Variants in SH3GL2 observed in about 807,000 individuals in gnomAD.
The protein encoded by SH3GL2 is SH3 domain containing GRB2 like 2, endophilin A1, also known as endophilin-A1.
In SH3GL2, 24 loss-of-function variants were observed where a neutral mutation model predicts 46.0. That is an observed-to-expected ratio of 0.52 (90% CI 0.38 to 0.73). SH3GL2 has a LOEUF of 0.73. Ranked by LOEUF, SH3GL2 falls within the 30% of genes least tolerant of loss-of-function variation. SH3GL2 has a pLI of 0.00. For missense variants in SH3GL2, 413 were observed against 424.2 expected, an observed-to-expected ratio of 0.97 and a Z score of 0.23; for synonymous variants, 196 against 147.1, an observed-to-expected ratio of 1.33 and a Z score of -2.40.
chr9:17,608,955 G>T (rs373698466), intron 1 of SH3GL2, among the ~76,000 whole-genome samples: 22 of 152,316 alleles, frequency 1.4e-4, no homozygotes, highest in African/African-American at 5.3e-4. Flanking sequence ...GGTGGACAGA[G>T]ATCCAGGACA....
intron 1 of SH3GL2, among the ~76,000 whole-genome samples, chr9:17,693,547 C>A (rs1053812083): frequency 4.6e-5 from 7 of 151,622 alleles, no homozygotes; most frequent in African/African-American, 1.7e-4. Context: ...TGGTGTAAAG[C>A]TTCTTCAAAT....
At position 17,690,290 on chromosome 9, in the gene SH3GL2, C is replaced by T. The variant is rs750117383; in HGVS notation, c.46-56776C>T. ...CCTTTTACTGCATTCAGCATTCCCC[C>T]GGGCGAGGCCTCAGGCACTGCATAA... On this transcript the variant is annotated intron_variant, in intron 1 of 8. Coordinates refer to ENST00000380607, the MANE Select transcript of SH3GL2 (RefSeq NM_003026.5). Among the ~76,000 whole-genome samples, 8 of 152,212 alleles carry T rather than the reference C, an allele frequency of 5.3e-5. No individual in the cohort carries two copies. In the South Asian group the frequency reaches 6.2e-4, roughly 12 times the overall value.
intron 1 of SH3GL2, among the ~76,000 whole-genome samples, chr9:17,674,602 A>G (rs1019183742): frequency 2.6e-5 from 4 of 152,172 alleles, no homozygotes; most frequent in African/African-American, 9.7e-5. Flanking sequence ...TTGGAAAATC[A>G]TGGGCTCATG....
chr9:17,701,881 C>T (rs1400429086), intron 1 of SH3GL2, among the ~76,000 whole-genome samples: 1 of 151,924 alleles, frequency 6.6e-6, no homozygotes, highest in Non-Finnish European at 1.5e-5. Context: ...TCAGCTTTCT[C>T]TAAGTTAAAC....
intron 8 of SH3GL2, among the ~76,000 whole-genome samples, 167 bp from the exon 9 acceptor site, chr9:17,795,377 A>G (rs923315614): frequency 6.6e-5 from 10 of 152,238 alleles, no homozygotes; most frequent in African/African-American, 2.2e-4. Flanking sequence ...TGCCCAGTGC[A>G]GTGGACACTA....
intron 1 of SH3GL2, among the ~76,000 whole-genome samples, chr9:17,627,976 T>C (rs571540235): frequency 6.6e-6 from 1 of 152,276 alleles, no homozygotes; most frequent in South Asian, 2.1e-4. Flanking sequence ...TGTTGTTGAG[T>C]GTAGAGTGGT....
intron 1 of SH3GL2, chr9:17,590,072 G>C (rs1192851364): frequency 6.6e-6 from 1 of 152,188 alleles, no homozygotes; most frequent in Non-Finnish European, 1.5e-5. Flanking sequence ...GTAACCTGAA[G>C]GAGAGGTGTC....
intron 1 of SH3GL2, among the ~76,000 whole-genome samples, chr9:17,721,142 A>G (rs932152862): frequency 3.9e-5 from 6 of 152,082 alleles, no homozygotes; most frequent in African/African-American, 1.4e-4. Flanking sequence ...AGCTTGGCTA[A>G]ACTGACTGCT....
At chr9:17,671,776 T>A (rs1234941920) in intron 1 of SH3GL2, among the ~76,000 whole-genome samples, 1 of 152,218 alleles carries the variant, frequency 6.6e-6, no homozygotes. Flanking sequence ...AAATGTAATT[T>A]CACAAACTTA....
intron 1 of SH3GL2, among the ~76,000 whole-genome samples, chr9:17,657,386 C>T (rs1202783940): frequency 6.6e-6 from 1 of 152,148 alleles, no homozygotes; most frequent in Non-Finnish European, 1.5e-5. Flanking sequence ...TCTTCTAGGT[C>T]ACCCTTCCCT....
chr9:17,580,241 C>G (rs1232964984), intron 1 of SH3GL2, among the ~76,000 whole-genome samples: 1 of 152,162 alleles, frequency 6.6e-6, no homozygotes, highest in Non-Finnish European at 1.5e-5. Flanking sequence ...ATTTTGATGA[C>G]TTACCGCGAA....
intron 5 of SH3GL2, among the ~76,000 whole-genome samples, 185 bp downstream of exon 5, chr9:17,787,698 T>C (rs1192825138): frequency 6.6e-6 from 1 of 152,208 alleles, no homozygotes; most frequent in Non-Finnish European, 1.5e-5. Flanking sequence ...CAGCCTGTTA[T>C]GACTGTGCCA....
chr9:17,683,134 T>G (rs904181648), intron 1 of SH3GL2, among the ~76,000 whole-genome samples: 1 of 152,084 alleles, frequency 6.6e-6, no homozygotes, highest in African/African-American at 2.4e-5. Context: ...GATGCTGATG[T>G]CACATAAGCT....
intron 3 of SH3GL2, among the ~76,000 whole-genome samples, chr9:17,768,553 G>A (rs1337773280): frequency 6.6e-6 from 1 of 151,992 alleles, no homozygotes; most frequent in Non-Finnish European, 1.5e-5. Context: ...CCAGCATGTG[G>A]TGGCCCCTGT....
At chr9:17,770,052 T>C (rs986410033) in intron 3 of SH3GL2, among the ~76,000 whole-genome samples, 1 of 152,090 alleles carries the variant, frequency 6.6e-6, no homozygotes, top group African/African-American at 2.4e-5. Context: ...CTTACGGGAG[T>C]AGCTAACTTT....
At chr9:17,767,916 C>T (rs1402752438) in intron 3 of SH3GL2, among the ~76,000 whole-genome samples, 1 of 152,114 alleles carries the variant, frequency 6.6e-6, no homozygotes, top group Non-Finnish European at 1.5e-5. Flanking sequence ...TGGAGGGTTT[C>T]TACTTCTACA....
At chr9:17,731,291 T>C (rs1822171573) in intron 1 of SH3GL2, among the ~76,000 whole-genome samples, 1 of 151,882 alleles carries the variant, frequency 6.6e-6, no homozygotes, top group Admixed American at 6.6e-5. Context: ...AATGTGATGG[T>C]ATTTGGAGAT....
chr9:17,748,554 A>C (rs1056881779), intron 2 of SH3GL2, among the ~76,000 whole-genome samples: 4 of 152,108 alleles, frequency 2.6e-5, no homozygotes, highest in African/African-American at 9.6e-5. Context: ...TCATTAGTGT[A>C]GTGTGAGAAA....
At chr9:17,629,759 T>C (rs1007689889) in intron 1 of SH3GL2, among the ~76,000 whole-genome samples, 2 of 152,222 alleles carry the variant, frequency 1.3e-5, no homozygotes, top group Non-Finnish European at 2.9e-5. Flanking sequence ...CACTTTTCAT[T>C]GATGGGCTAC....
Sources: gnomAD v4.1 joint callset for allele counts (sites outside exome capture counted in the v4.1 genomes callset) on GRCh38, gnomAD v4.1.1 for gene constraint, MANE v1.5 for transcripts, NCBI Gene and HGNC (gene_info 2026-07-23, HGNC 2026-07-21) for gene names.